VWA3B: variants seen among roughly 807,000 people sequenced by gnomAD.
VWA3B encodes the protein von Willebrand factor A domain containing 3B, also known as von Willebrand factor A domain-containing protein 3B.
In VWA3B, 138 loss-of-function variants were observed where a neutral mutation model predicts 158.3. The ratio of observed to expected loss-of-function variants is 0.87; its 90% CI spans 0.76 to 1.00. The LOEUF is 1.00. Ranked by LOEUF, VWA3B falls within the 50% of genes least tolerant of loss-of-function variation. The probability of loss-of-function intolerance (pLI) is 0.00; values close to 1 mark genes in which losing one functional copy is unlikely to be tolerated. For missense variants in VWA3B, 1,555 were observed against 1,565.1 expected, an observed-to-expected ratio of 0.99 and a Z score of 0.11; for synonymous variants, 596 against 587.3, an observed-to-expected ratio of 1.01 and a Z score of -0.21.
chr2:98,109,782 G>A lies in VWA3B; in HGVS notation c.197-5870G>A, dbSNP rs549796285. On this transcript the variant is annotated intron_variant, in intron 2 of 27. Transcript: ENST00000477737. ...AATTTCACCAGATGTAAGATTTAGG[G>A]TTGATAGTTCTTTTTTTTTTTTTTT... 2.5e-3 allele frequency among the ~76,000 whole-genome samples: 371 copies of A among 148,692 alleles called. 3 individuals carry two copies. The highest frequency in any genetic ancestry group is 5.9e-3 in the Admixed American group (88 of 15,026).
At chr2:98,123,480 C>T (rs1364374577) in intron 5 of VWA3B, among the ~76,000 whole-genome samples, 4 of 152,200 alleles carry the variant, frequency 2.6e-5, no homozygotes, top group Admixed American at 2.6e-4. Context: ...TTTGTAACCA[C>T]CGCGGGCCAG....
chr2:98,298,079 A>G, intron 24 of VWA3B, 48 bp downstream of exon 24: 1 of 1,393,264 alleles, frequency 7.2e-7, no homozygotes, highest in Non-Finnish European at 9.4e-7. Context: ...CCATCCACAG[A>G]GTTTTGAATA....
intron 2 of VWA3B, among the ~76,000 whole-genome samples, chr2:98,100,926 T>A (rs1683033832): frequency 6.6e-6 from 1 of 152,226 alleles, no homozygotes; most frequent in Non-Finnish European, 1.5e-5. Context: ...TAGACAGTTG[T>A]TCAAATTGAT....
chr2:98,107,766 G>A (rs1673790801), intron 2 of VWA3B, among the ~76,000 whole-genome samples: 1 of 151,724 alleles, frequency 6.6e-6, no homozygotes, highest in Non-Finnish European at 1.5e-5. Flanking sequence ...TTTTATCTTT[G>A]TCAGTCTTAC....
chr2:98,309,055 C>T (rs971955190), intron 26 of VWA3B, among the ~76,000 whole-genome samples: 5 of 151,376 alleles, frequency 3.3e-5, no homozygotes, highest in African/African-American at 1.2e-4. Flanking sequence ...ACCCTTAATC[C>T]CAGCTACTCG....
At chr2:98,215,618 C>T (rs1244486926) in intron 13 of VWA3B, among the ~76,000 whole-genome samples, 3 of 150,630 alleles carry the variant, frequency 2.0e-5, no homozygotes, top group African/African-American at 7.3e-5. Flanking sequence ...CCCGGGTTCA[C>T]GCCATTCTCC....
chr2:98,101,594 C>T (rs1180429646), intron 2 of VWA3B, among the ~76,000 whole-genome samples: 2 of 152,208 alleles, frequency 1.3e-5, no homozygotes, highest in Non-Finnish European at 2.9e-5. Context: ...TTGTTCTATT[C>T]TGGTACTAAG....
At chr2:98,111,872 G>C (rs1674160284) in intron 2 of VWA3B, among the ~76,000 whole-genome samples, 1 of 152,004 alleles carries the variant, frequency 6.6e-6, no homozygotes, top group African/African-American at 2.4e-5. Flanking sequence ...TAAGTTGTCT[G>C]CTTACTCTGT....
chr2:98,299,308 G>A lies in VWA3B; in HGVS notation c.3283-771G>A, dbSNP rs1216408785. On this transcript the variant is annotated intron_variant, in intron 24 of 27. Transcript: ENST00000477737. ...AGACCCTGTTCTCCTGCCTCAGTTG[G>A]GCCAGATTAATGTGTTCTCATCTGC... 3.9e-5 allele frequency among the ~76,000 whole-genome samples: 6 copies of A among 152,170 alleles called. No individual in the cohort carries two copies. The South Asian group carries it at 1.2e-3, about 32-fold the overall frequency.
At chr2:98,158,964 A>G (rs1158894711) in intron 7 of VWA3B, among the ~76,000 whole-genome samples, 1 of 152,152 alleles carries the variant, frequency 6.6e-6, no homozygotes, top group Admixed American at 6.5e-5. Context: ...TGCTCAACAC[A>G]TACTTGCCAA....
chr2:98,303,817 C>T lies in VWA3B; in HGVS notation c.3521+15C>T. The T allele has an allele frequency of 6.2e-7, 1 of 1,608,160 alleles. No individual in the cohort carries two copies. The highest frequency in any genetic ancestry group is 8.5e-7 in the Non-Finnish European group (1 of 1,174,598). On this transcript the variant is annotated intron_variant, in intron 26 of 27. Coordinates refer to ENST00000477737, the MANE Select transcript of VWA3B (RefSeq NM_144992.5). ...GATCCAGAAGTGTAAGTGTACTCAACTTTTATCTCTTGAATATTAATTTAT... is the reference window on the plus strand; with the variant it reads ...GATCCAGAAGTGTAAGTGTACTCAATTTTTATCTCTTGAATATTAATTTAT...
chr2:98,292,692 C>T (rs895732715), intron 23 of VWA3B, among the ~76,000 whole-genome samples: 5 of 151,946 alleles, frequency 3.3e-5, no homozygotes, highest in Non-Finnish European at 7.4e-5. Flanking sequence ...GGGCCAGGTG[C>T]GGTGGCTCAC....
At chr2:98,099,631 G>T (rs1682948268) in intron 2 of VWA3B, among the ~76,000 whole-genome samples, 1 of 152,050 alleles carries the variant, frequency 6.6e-6, no homozygotes, top group Non-Finnish European at 1.5e-5. Context: ...CTTTCTCCAG[G>T]TTTGGAAAGT....
intron 13 of VWA3B, among the ~76,000 whole-genome samples, chr2:98,213,663 G>A (rs1477862092): frequency 6.6e-6 from 1 of 152,152 alleles, no homozygotes; most frequent in Non-Finnish European, 1.5e-5. Context: ...GAGGCAAGTA[G>A]GCTTGGGGGT....
chr2:98,188,179 T>C, intron 10 of VWA3B, 50 bp downstream of exon 10: 1 of 1,571,836 alleles, frequency 6.4e-7, no homozygotes, highest in Non-Finnish European at 8.6e-7. Flanking sequence ...CTCTGGACAT[T>C]CTCATCTGCT....
At chr2:98,159,026 G>A (rs931113264) in intron 7 of VWA3B, among the ~76,000 whole-genome samples, 1 of 152,190 alleles carries the variant, frequency 6.6e-6, no homozygotes, top group Non-Finnish European at 1.5e-5. Flanking sequence ...TCCTGTAGGT[G>A]AGATGTGGAA....
chr2:98,113,239 G>A (rs550757313), intron 2 of VWA3B, among the ~76,000 whole-genome samples: 1 of 152,164 alleles, frequency 6.6e-6, no homozygotes, highest in East Asian at 1.9e-4. Flanking sequence ...CAATGTGAAT[G>A]GTTGTAGAGA....
intron 19 of VWA3B, chr2:98,245,648 G>A (rs1169551724): frequency 1.1e-5 from 5 of 456,090 alleles, no homozygotes; most frequent in Non-Finnish European, 4.4e-6. Context: ...ATTAAGTCAG[G>A]AGACAAGCTG....
intron 11 of VWA3B, among the ~76,000 whole-genome samples, chr2:98,193,821 C>T (rs917447481): frequency 5.9e-5 from 9 of 152,094 alleles, no homozygotes; most frequent in African/African-American, 9.7e-5. Flanking sequence ...ATCTCCTGAC[C>T]TCGTGATCCG....
Sources: allele counts gnomAD v4.1 joint callset (sites outside exome capture counted in the v4.1 genomes callset), GRCh38; gene constraint gnomAD v4.1.1; transcripts MANE v1.5; gene names NCBI Gene and HGNC (gene_info 2026-07-23, HGNC 2026-07-21).